SLC3A1: variants seen among roughly 807,000 people sequenced by gnomAD.
SLC3A1 encodes amino acid transporter heavy chain SLC3A1.
Under a neutral mutation model 60.3 loss-of-function variants are expected in SLC3A1, and 78 were observed. The observed-to-expected ratio is 1.29, with a 90% CI of 1.08 to 1.56. The LOEUF (loss-of-function observed/expected upper bound fraction) is 1.56, where lower values mean the gene tolerates loss of function less well. SLC3A1 is among the 40% of genes most tolerant of loss of function. The pLI is 0.00. For synonymous variants in SLC3A1, 392 were observed against 307.9 expected (o/e 1.27, Z -2.86); for missense variants, 1,172 against 858.9 (o/e 1.36, Z -4.56).
intron 4 of SLC3A1, among the ~76,000 whole-genome samples, chr2:44,287,930 T>A (rs1252583679): frequency 6.6e-6 from 1 of 152,192 alleles, no homozygotes; most frequent in African/African-American, 2.4e-5. Context: ...AACAGTTTAA[T>A]TGACATATAA....
chr2:44,318,373 G>A (rs1427504390), intron 9 of SLC3A1: 1 of 185,856 alleles, frequency 5.4e-6, no homozygotes, highest in Non-Finnish European at 1.1e-5. Context: ...TTACGGGCCT[G>A]AGCCACCTTG....
chr2:44,298,108 T>C (rs1671902106), intron 4 of SLC3A1, among the ~76,000 whole-genome samples: 1 of 152,244 alleles, frequency 6.6e-6, no homozygotes, highest in African/African-American at 2.4e-5. Context: ...GTGAAATTGC[T>C]GGGTCTTATG....
At chr2:44,293,231 A>T (rs1671776601) in intron 4 of SLC3A1, among the ~76,000 whole-genome samples, 1 of 152,128 alleles carries the variant, frequency 6.6e-6, no homozygotes, top group South Asian at 2.1e-4. Flanking sequence ...AGATATAAGG[A>T]CACTGGGCTG....
intron 3 of SLC3A1, among the ~76,000 whole-genome samples, chr2:44,284,297 C>A (rs181680673): frequency 6.6e-6 from 1 of 152,274 alleles, no homozygotes; most frequent in East Asian, 1.9e-4. Flanking sequence ...CCAGGCTGGT[C>A]TTGAACTCCT....
chr2:44,298,238 A>G (rs1204974687), intron 4 of SLC3A1, among the ~76,000 whole-genome samples: 1 of 152,106 alleles, frequency 6.6e-6, no homozygotes, highest in African/African-American at 2.4e-5. Context: ...AAATCCCTCC[A>G]GGGGTTTCCC....
intron 7 of SLC3A1, among the ~76,000 whole-genome samples, chr2:44,307,290 C>A (rs984757769): frequency 1.1e-4 from 17 of 152,164 alleles, no homozygotes; most frequent in African/African-American, 3.4e-4. Flanking sequence ...AATAGTGATG[C>A]TATGGACATT....
intron 4 of SLC3A1, among the ~76,000 whole-genome samples, chr2:44,296,630 G>A (rs1462326131): frequency 2.0e-5 from 3 of 152,176 alleles, no homozygotes; most frequent in Non-Finnish European, 4.4e-5. Context: ...ATTGACAGGA[G>A]CAGTATTAAC....
At chr2:44,277,540 C>T (rs956321968) in intron 1 of SLC3A1, among the ~76,000 whole-genome samples, 42 of 152,154 alleles carry the variant, frequency 2.8e-4, no homozygotes, top group African/African-American at 1.0e-3. Flanking sequence ...ACCATGGGCT[C>T]CCCACCCCAG....
At chr2:44,310,126 T>C (rs1286178575) in intron 7 of SLC3A1, among the ~76,000 whole-genome samples, 1 of 152,120 alleles carries the variant, frequency 6.6e-6, no homozygotes, top group Non-Finnish European at 1.5e-5. Flanking sequence ...ACTCCTGAGC[T>C]CAAGTGATCT....
At position 44,314,164 on chromosome 2, in the gene SLC3A1, T is replaced by A. The variant is rs867066471; in HGVS notation, c.1617+213T>A. On this transcript the variant is annotated intron_variant, in intron 9 of 9. Transcript: ENST00000260649. ...CAAATCTACCAAGTGAAGTGAAGTATCATATAGAATATACAAGTCTTCATT... is the reference window on the plus strand; with the variant it reads ...CAAATCTACCAAGTGAAGTGAAGTAACATATAGAATATACAAGTCTTCATT... The A allele has an allele frequency of 4.8e-5, 57 of 1,191,688 alleles. No homozygotes were observed. In the African/African-American group the frequency reaches 7.3e-4, roughly 15 times the overall value. 73.8% of individuals were successfully genotyped at this position (1,191,688 alleles called of 1,614,324 possible).
chr2:44,309,397 C>A (rs1672237850), intron 7 of SLC3A1, among the ~76,000 whole-genome samples: 1 of 152,210 alleles, frequency 6.6e-6, no homozygotes, highest in African/African-American at 2.4e-5. Flanking sequence ...TGAGATCTTA[C>A]TCCTTCTTAT....
At chr2:44,301,833 G>T (rs1449585654) in intron 6 of SLC3A1, among the ~76,000 whole-genome samples, 1 of 151,930 alleles carries the variant, frequency 6.6e-6, no homozygotes, top group African/African-American at 2.4e-5. Flanking sequence ...TGAGGTCGAG[G>T]CTGGTGGATC....
Position 44,312,712 on chromosome 2 carries a change from G to A in SLC3A1, c.1459G>A (p.Gly487Arg). 1.2e-6 allele frequency: 2 copies of A among 1,613,466 alleles called. No individual in the cohort carries two copies. The highest frequency in any genetic ancestry group is 1.7e-5 in the Admixed American group (1 of 59,986). Residue 487 changes from glycine (G) to arginine (R), a missense_variant, in exon 8 of 10, where the codon GGA becomes AGA. Physicochemically the swap from Gly to Arg is moderately radical, Grantham distance 125. Coordinates refer to ENST00000260649, the MANE Select transcript of SLC3A1 (RefSeq NM_000341.4). ...ITYYGEEIGM[G>R]NIVAANLNES... is the part of the protein sequence containing the mutation. ...TTACTATGGAGAAGAAATTGGAATGGGAAATATTGTAGCCGCAAATCTCAA... is the reference window on the plus strand; with the variant it reads ...TTACTATGGAGAAGAAATTGGAATGAGAAATATTGTAGCCGCAAATCTCAA...
intron 5 of SLC3A1, 146 bp downstream of exon 5, chr2:44,300,236 G>C (rs1343780598): frequency 4.6e-6 from 4 of 865,346 alleles, no homozygotes; most frequent in Non-Finnish European, 5.5e-6. Context: ...TAGGAAATGT[G>C]CAAGAGTTTG....
At chr2:44,303,891 C>A (rs1672082675) in intron 6 of SLC3A1, 3 of 594,782 alleles carry the variant, frequency 5.0e-6, no homozygotes, top group Non-Finnish European at 9.0e-6. Context: ...TCATCCATGT[C>A]CCTGCAAAGG....
At chr2:44,283,932 C>G (rs1020830905) in intron 3 of SLC3A1, among the ~76,000 whole-genome samples, 1 of 151,862 alleles carries the variant, frequency 6.6e-6, no homozygotes, top group African/African-American at 2.4e-5. Flanking sequence ...CATACATTTT[C>G]ATTGTTGTAT....
chr2:44,291,439 T>C lies in SLC3A1; in HGVS notation c.891+5282T>C, dbSNP rs530323617. On this transcript the variant is annotated intron_variant, in intron 4 of 9. Coordinates refer to ENST00000260649, the MANE Select transcript of SLC3A1 (RefSeq NM_000341.4). ...CAAGCCGTGGAGTGTGTGGACAGGA[T>C]CCTTATTTACTGGTCTTCTGGCTGA... is the stretch of plus-strand genomic sequence containing the variant. Among the ~76,000 whole-genome samples the C allele has an allele frequency of 3.7e-3, 563 of 152,314 alleles. 3 individuals carry two copies. Among genetic ancestry groups the C allele is most frequent in the African/African-American group, 0.013 (544 of 41,580 alleles).
chr2:44,304,813 ATTTTTTTTTTTTTT>A (rs70965349), intron 7 of SLC3A1, among the ~76,000 whole-genome samples: 9 of 85,832 alleles, frequency 1.0e-4, no homozygotes, highest in African/African-American at 4.2e-4. Context: ...CTTGAAAACA[ATTTTTTTTTTTTTT>A]TTTTTTTTTT....
At chr2:44,309,224 CA>C (rs1672233716) in intron 7 of SLC3A1, among the ~76,000 whole-genome samples, 1 of 152,154 alleles carries the variant, frequency 6.6e-6, no homozygotes. Flanking sequence ...TCACTTCCAC[CA>C]CTAACCCCTG....
Sources: allele counts gnomAD v4.1 joint callset (sites outside exome capture counted in the v4.1 genomes callset), GRCh38; gene constraint gnomAD v4.1.1; transcripts MANE v1.5; gene names NCBI Gene and HGNC (gene_info 2026-07-23, HGNC 2026-07-21).